PTPRD: variants seen among roughly 807,000 people sequenced by gnomAD.
PTPRD encodes the protein receptor-type tyrosine-protein phosphatase delta.
A neutral mutation model predicts 214.5 loss-of-function variants in PTPRD; 34 were observed. The observed-to-expected ratio is 0.16, with a 90% CI of 0.12 to 0.21. The LOEUF is 0.21. PTPRD is among the 10% of genes least tolerant of loss of function. The pLI, the probability that PTPRD is intolerant of heterozygous loss-of-function variation, is 1.00. For synonymous variants in PTPRD, 1,128 were observed against 845.7 expected (o/e 1.33, Z -5.79); for missense variants, 2,545 against 2,398.7 (o/e 1.06, Z -1.27).
chr9:10,116,783 C>T (rs1242566767), intron 3 of PTPRD, among the ~76,000 whole-genome samples: 3 of 152,016 alleles, frequency 2.0e-5, no homozygotes, highest in African/African-American at 7.2e-5. Flanking sequence ...TTGGATTCCA[C>T]CAACATTAGC....
chr9:8,338,706 G>A (rs998443606), intron 43 of PTPRD, among the ~76,000 whole-genome samples: 1 of 151,938 alleles, frequency 6.6e-6, no homozygotes, highest in African/African-American at 2.4e-5. Flanking sequence ...TGTTATGTTT[G>A]AATGAAAGCC....
At chr9:9,839,925 C>T (rs2057861780) in intron 5 of PTPRD, among the ~76,000 whole-genome samples, 1 of 152,094 alleles carries the variant, frequency 6.6e-6, no homozygotes, top group Non-Finnish European at 1.5e-5. Flanking sequence ...AACACACACA[C>T]ACACAAGTTG....
chr9:9,492,407 A>G (rs1444294200), intron 8 of PTPRD, among the ~76,000 whole-genome samples: 1 of 152,058 alleles, frequency 6.6e-6, no homozygotes, highest in Admixed American at 6.6e-5. Flanking sequence ...AATTCATTCA[A>G]TGAAGCCAGC....
intron 12 of PTPRD, among the ~76,000 whole-genome samples, chr9:8,651,396 C>G (rs1401521930): frequency 1.3e-5 from 2 of 152,158 alleles, no homozygotes; most frequent in African/African-American, 4.8e-5. Context: ...CATGAACTAA[C>G]TCTGTCCACA....
intron 3 of PTPRD, among the ~76,000 whole-genome samples, chr9:10,040,308 T>C (rs953371044): frequency 6.6e-6 from 1 of 152,042 alleles, no homozygotes; most frequent in Non-Finnish European, 1.5e-5. Flanking sequence ...GGATGTAGCT[T>C]TGAATAAATG....
At chr9:10,073,604 G>A (rs536469658) in intron 3 of PTPRD, among the ~76,000 whole-genome samples, 1 of 152,218 alleles carries the variant, frequency 6.6e-6, no homozygotes, top group East Asian at 1.9e-4. Flanking sequence ...GCAGTTGGAA[G>A]ATGGTTGGTG....
intron 2 of PTPRD, among the ~76,000 whole-genome samples, chr9:10,425,509 T>A (rs2098605291): frequency 6.6e-6 from 1 of 151,976 alleles, no homozygotes; most frequent in Non-Finnish European, 1.5e-5. Flanking sequence ...CTGAGGTATG[T>A]CCTTATAGCA....
intron 5 of PTPRD, among the ~76,000 whole-genome samples, chr9:9,879,799 G>A (rs191572535): frequency 4.3e-4 from 65 of 152,270 alleles, no homozygotes; most frequent in African/African-American, 1.5e-3. Context: ...TGGTTTTTCT[G>A]ATCAGCTTAA....
intron 10 of PTPRD, among the ~76,000 whole-genome samples, chr9:9,087,969 C>T (rs1412264987): frequency 6.8e-6 from 1 of 146,000 alleles, no homozygotes; most frequent in African/African-American, 2.5e-5. Flanking sequence ...GAAACCTCCA[C>T]CTTCCAGGTT....
rs745582718 is a variant in PTPRD at position 8,319,959 on chromosome 9, C to T, written c.5542G>A (p.Val1848Ile). The change falls in exon 45 of 46, where the codon GTT (valine) becomes ATT (isoleucine). Residue 1848 changes from valine (V) to isoleucine (I), a missense_variant. Physicochemically the swap from Val to Ile is conservative, Grantham distance 29 (BLOSUM62 3). Coordinates refer to ENST00000381196, the MANE Select transcript of PTPRD (RefSeq NM_002839.4). ...GTTATGAAGACTCCAGTTCTTCCAA[C>T]GCCCGCGCTGCCACAATAACAAAGG... ...GPISVHCSAG[V>I]GRTGVFITLS... is the part of the protein sequence containing the mutation. The T allele has an allele frequency of 1.4e-5, 23 of 1,611,426 alleles. No individual in the cohort carries two copies. The highest frequency in any genetic ancestry group is 5.4e-5 in the African/African-American group (4 of 74,702).
chr9:8,458,572 T>C (rs2096281139), intron 33 of PTPRD, among the ~76,000 whole-genome samples: 2 of 152,148 alleles, frequency 1.3e-5, no homozygotes, highest in East Asian at 1.9e-4. Context: ...ATTAGAATTA[T>C]ACCACTGCTT....
intron 3 of PTPRD, among the ~76,000 whole-genome samples, chr9:10,185,836 A>G (rs1173205797): frequency 6.6e-6 from 1 of 152,114 alleles, no homozygotes; most frequent in Non-Finnish European, 1.5e-5. Flanking sequence ...TTCTATCATA[A>G]TATGATGCAG....
chr9:9,455,327 T>C (rs2092833607), intron 8 of PTPRD, among the ~76,000 whole-genome samples: 1 of 151,554 alleles, frequency 6.6e-6, no homozygotes, highest in Non-Finnish European at 1.5e-5. Flanking sequence ...GATACAGATA[T>C]GCAGAGAATG....
At chr9:8,630,264 T>C (rs1369254668) in intron 14 of PTPRD, among the ~76,000 whole-genome samples, 1 of 151,754 alleles carries the variant, frequency 6.6e-6, no homozygotes, top group Non-Finnish European at 1.5e-5. Flanking sequence ...AGTGCCTGAG[T>C]GTCCGCCAAC....
intron 10 of PTPRD, among the ~76,000 whole-genome samples, chr9:9,180,541 T>C (rs956689206): frequency 6.6e-6 from 1 of 151,824 alleles, no homozygotes; most frequent in Non-Finnish European, 1.5e-5. Context: ...GGCACATGTA[T>C]ACATATGTAA....
chr9:8,774,762 A>T (rs965211555), intron 11 of PTPRD, among the ~76,000 whole-genome samples: 4 of 151,926 alleles, frequency 2.6e-5, no homozygotes, highest in Non-Finnish European at 4.4e-5. Context: ...TCAAACTCCC[A>T]ACCTCAGGTG....
intron 10 of PTPRD, among the ~76,000 whole-genome samples, chr9:9,182,055 G>A (rs1471405193): frequency 6.6e-6 from 1 of 151,944 alleles, no homozygotes; most frequent in Non-Finnish European, 1.5e-5. Context: ...TTTGACTGGG[G>A]GTATCCAAGA....
rs539258865 is a variant in PTPRD, at chr9:9,880,293, A to G, written c.-368+58214T>C. Among the ~76,000 whole-genome samples, 3 of 152,266 alleles carry G rather than the reference A, an allele frequency of 2.0e-5. No homozygotes were observed. The South Asian group carries it at 6.2e-4, about 32-fold the overall frequency. On this transcript the variant is annotated intron_variant, in intron 5 of 45. Transcript: ENST00000381196. ...TGAGTCAATTAAACCTCTTTTCTTT[A>G]TAAATCACCCAGTCTCAGGTAGTAT...
intron 11 of PTPRD, among the ~76,000 whole-genome samples, chr9:8,768,084 C>T (rs1216793193): frequency 2.6e-5 from 4 of 152,090 alleles, no homozygotes; most frequent in African/African-American, 4.8e-5. Context: ...TACTATTTGG[C>T]CTGAATTTGC....
Sources: gnomAD v4.1 joint callset for allele counts (sites outside exome capture counted in the v4.1 genomes callset) on GRCh38, gnomAD v4.1.1 for gene constraint, MANE v1.5 for transcripts, NCBI Gene and HGNC (gene_info 2026-07-23, HGNC 2026-07-21) for gene names.